The following VGLL4 variants were observed in gnomAD, a reference collection of about 807,000 sequenced individuals.
The protein encoded by VGLL4 is vestigial like family member 4.
VGLL4 carries 7 observed loss-of-function variants against 21.0 expected under a neutral mutation model. That is an observed-to-expected ratio of 0.33 (90% CI 0.19 to 0.63). The LOEUF (loss-of-function observed/expected upper bound fraction) is 0.63, where lower values mean the gene tolerates loss of function less well. Among genes scored for constraint, VGLL4 ranks in the 20% least tolerant of loss-of-function variants. The probability of loss-of-function intolerance (pLI) is 0.78; values close to 1 mark genes in which losing one functional copy is unlikely to be tolerated. For missense variants in VGLL4, 394 were observed against 425.7 expected, an observed-to-expected ratio of 0.93 and a Z score of 0.66; for synonymous variants, 222 against 173.2, an observed-to-expected ratio of 1.28 and a Z score of -2.21.
chr3:11,649,376 C>T (rs995443160), intron 2 of VGLL4, among the ~76,000 whole-genome samples: 1 of 152,136 alleles, frequency 6.6e-6, no homozygotes, highest in African/African-American at 2.4e-5. Context: ...GGAAAGTATT[C>T]CAAAATGTTA....
intron 1 of VGLL4, among the ~76,000 whole-genome samples, chr3:11,626,016 T>C (rs1356222915): frequency 6.6e-6 from 1 of 152,214 alleles, no homozygotes; most frequent in African/African-American, 2.4e-5. Context: ...TTAAATTGTA[T>C]AATTTAAACG....
At chr3:11,571,226 G>A (rs886802461) in intron 2 of VGLL4, among the ~76,000 whole-genome samples, 8 of 152,150 alleles carry the variant, frequency 5.3e-5, no homozygotes, top group Admixed American at 2.6e-4. Context: ...GGCAGAGACT[G>A]TCTCTGCCTT....
chr3:11,592,035 G>C (rs1399088795), intron 2 of VGLL4, among the ~76,000 whole-genome samples: 1 of 152,224 alleles, frequency 6.6e-6, no homozygotes, highest in Non-Finnish European at 1.5e-5. Context: ...CAGTATGAAA[G>C]TAAAGAATAT....
intron 2 of VGLL4, among the ~76,000 whole-genome samples, chr3:11,595,537 G>GT (rs2074615980): frequency 6.6e-6 from 1 of 151,916 alleles, no homozygotes; most frequent in Non-Finnish European, 1.5e-5. Flanking sequence ...ACATGCACAC[G>GT]TATGTTTATT....
At chr3:11,575,241 C>A (rs1159068741) in intron 2 of VGLL4, among the ~76,000 whole-genome samples, 1 of 152,202 alleles carries the variant, frequency 6.6e-6, no homozygotes, top group Admixed American at 6.5e-5. Context: ...GGCGGCCGCA[C>A]TGAGTGCTGT....
intron 4 of VGLL4, among the ~76,000 whole-genome samples, chr3:11,559,083 A>G (rs2072717217): frequency 1.3e-5 from 2 of 152,266 alleles, no homozygotes; most frequent in Admixed American, 1.3e-4. Flanking sequence ...TTTAAATAAC[A>G]GTAGCCGCTG....
intron 2 of VGLL4, among the ~76,000 whole-genome samples, chr3:11,569,511 G>A (rs1177351737): frequency 6.6e-6 from 1 of 152,224 alleles, no homozygotes; most frequent in East Asian, 1.9e-4. Context: ...GTAGAATGAA[G>A]GCTATGCAGA....
At chr3:11,608,885 G>T (rs956237676) in intron 1 of VGLL4, among the ~76,000 whole-genome samples, 1 of 151,814 alleles carries the variant, frequency 6.6e-6, no homozygotes, top group Non-Finnish European at 1.5e-5. Flanking sequence ...TTTTGGAGAC[G>T]GAGTCTCACT....
chr3:11,571,686 C>T (rs2073782694), intron 2 of VGLL4, among the ~76,000 whole-genome samples: 1 of 152,138 alleles, frequency 6.6e-6, no homozygotes, highest in Admixed American at 6.5e-5. Flanking sequence ...AAATAAAATA[C>T]TCCCCACAAA....
intron 2 of VGLL4, among the ~76,000 whole-genome samples, chr3:11,670,697 G>C (rs2076195954): frequency 6.6e-6 from 1 of 152,094 alleles, no homozygotes; most frequent in Admixed American, 6.5e-5. Context: ...CACTGATTGA[G>C]AGACCAGTAT....
rs375054655 is a variant in VGLL4 at position 11,573,344 on chromosome 3, A to G, written c.273-8325T>C. Among the ~76,000 whole-genome samples, 82 of 99,774 alleles carry G rather than the reference A, an allele frequency of 8.2e-4. 4 individuals are homozygous for G. In the East Asian group the frequency reaches 0.014, roughly 17 times the overall value. 65.5% of individuals were successfully genotyped at this position (99,774 alleles called of 152,430 possible). ...GAAAGAAAGAAAGAAAGAAAGAAAG[A>G]AAGAAAGAAAGAAAGAAAGAAAGAA... On this transcript the variant is annotated intron_variant, in intron 2 of 4. Coordinates refer to ENST00000430365, the MANE Select transcript of VGLL4 (RefSeq NM_001128219.3).
At chr3:11,718,647 A>G (rs1181880187) in intron 1 of VGLL4, among the ~76,000 whole-genome samples, 1 of 152,172 alleles carries the variant, frequency 6.6e-6, no homozygotes, top group Non-Finnish European at 1.5e-5. Flanking sequence ...AACAACTGCC[A>G]GACTCCTTCT....
intron 3 of VGLL4, among the ~76,000 whole-genome samples, chr3:11,562,108 G>C (rs2073074251): frequency 6.6e-6 from 1 of 152,020 alleles, no homozygotes; most frequent in Non-Finnish European, 1.5e-5. Flanking sequence ...ATGTTGGCCA[G>C]GCTGGTCTCG....
chr3:11,657,366 C>T (rs2075973249), intron 2 of VGLL4, among the ~76,000 whole-genome samples: 2 of 152,134 alleles, frequency 1.3e-5, no homozygotes, highest in South Asian at 4.1e-4. Context: ...TGGGTTTATG[C>T]TGTTTTTCTT....
chr3:11,638,251 C>A (rs1001640410), intron 1 of VGLL4, among the ~76,000 whole-genome samples: 1 of 152,082 alleles, frequency 6.6e-6, no homozygotes, highest in African/African-American at 2.4e-5. Flanking sequence ...TACAAGGCCA[C>A]GCAGACAATA....
chr3:11,651,114 G>A (rs1407521396), intron 2 of VGLL4, among the ~76,000 whole-genome samples: 2 of 152,096 alleles, frequency 1.3e-5, no homozygotes, highest in Non-Finnish European at 2.9e-5. Flanking sequence ...TTGGGAGGGC[G>A]GGTGGATCAC....
At chr3:11,706,644 G>A (rs150681682) in intron 1 of VGLL4, among the ~76,000 whole-genome samples, 2 of 152,200 alleles carry the variant, frequency 1.3e-5, no homozygotes, top group East Asian at 1.9e-4. Context: ...TTCCTTCCCC[G>A]GTTGCCCTGC....
At chr3:11,672,435 T>TTA (rs2076230497) in intron 2 of VGLL4, among the ~76,000 whole-genome samples, 1 of 152,204 alleles carries the variant, frequency 6.6e-6, no homozygotes, top group South Asian at 2.1e-4. Flanking sequence ...TGTTTAAAAA[T>TTA]ATCTTAATTC....
At chr3:11,567,017 T>G (rs2073565488) in intron 2 of VGLL4, among the ~76,000 whole-genome samples, 1 of 152,048 alleles carries the variant, frequency 6.6e-6, no homozygotes, top group African/African-American at 2.4e-5. Flanking sequence ...ATTCAAGCCT[T>G]TAGATGGACC....
Sources: allele counts gnomAD v4.1 joint callset (sites outside exome capture counted in the v4.1 genomes callset), GRCh38; gene constraint gnomAD v4.1.1; transcripts MANE v1.5; gene names NCBI Gene and HGNC (gene_info 2026-07-23, HGNC 2026-07-21).